Variants in SLC24A4 observed in about 807,000 individuals in gnomAD.
SLC24A4 encodes solute carrier family 24 member 4, also known as sodium/potassium/calcium exchanger 4.
In SLC24A4, 53 loss-of-function variants were observed where a neutral mutation model predicts 79.0. The ratio of observed to expected loss-of-function variants is 0.67; its 90% CI spans 0.54 to 0.84. The LOEUF (loss-of-function observed/expected upper bound fraction) is 0.84. Ranked by LOEUF, SLC24A4 falls within the 40% of genes least tolerant of loss-of-function variation. The pLI is 0.00. For synonymous variants in SLC24A4, 323 were observed against 323.8 expected (o/e 1.00, Z 0.03); for missense variants, 731 against 822.0 (o/e 0.89, Z 1.35).
rs148579792 is a variant in SLC24A4, at chr14:92,493,271, C to T, written c.1717-205C>T. On this transcript the variant is annotated intron_variant, in intron 16 of 16. Transcript: ENST00000532405. ...TATCCCTGAGTCAATGCGGCTAGGA[C>T]AGAGACTCGCCCTTTCATGGGGCAA... 1.2e-3 allele frequency among the ~76,000 whole-genome samples: 187 copies of T among 152,276 alleles called. 4 individuals carry two copies. The South Asian group carries it at 0.036, about 29-fold the overall frequency.
chr14:92,479,110 A>G (rs1015918758), intron 12 of SLC24A4, among the ~76,000 whole-genome samples: 3 of 152,204 alleles, frequency 2.0e-5, no homozygotes, highest in African/African-American at 4.8e-5. Flanking sequence ...AGAGTTTTCT[A>G]TATACAAGAT....
intron 2 of SLC24A4, among the ~76,000 whole-genome samples, chr14:92,331,233 T>C (rs1242867722): frequency 6.6e-6 from 1 of 152,212 alleles, no homozygotes; most frequent in African/African-American, 2.4e-5. Context: ...TCCCTGGCTG[T>C]CATGGCATCT....
chr14:92,452,531 G>T (rs926411643), intron 10 of SLC24A4: 1 of 152,118 alleles, frequency 6.6e-6, no homozygotes, highest in African/African-American at 2.4e-5. Context: ...ATAACCCCTG[G>T]CATCTTCGCC....
intron 2 of SLC24A4, among the ~76,000 whole-genome samples, chr14:92,343,653 T>TCTCTTTCC (rs1886336411): frequency 5.8e-5 from 2 of 34,214 alleles, no homozygotes; most frequent in African/African-American, 1.5e-4. Flanking sequence ...TCTTTCCTTC[T>TCTCTTTCC]TTCCTTCCTT....
At chr14:92,345,349 G>A (rs1886464707) in intron 2 of SLC24A4, among the ~76,000 whole-genome samples, 1 of 152,196 alleles carries the variant, frequency 6.6e-6, no homozygotes, top group Non-Finnish European at 1.5e-5. Flanking sequence ...ACTGTCTGTA[G>A]CATGGTGATG....
rs1217691041 is a variant in SLC24A4, at chr14:92,441,144, G to A, written c.394-945G>A. On this transcript the variant is annotated intron_variant, in intron 4 of 16. Coordinates refer to ENST00000532405, the MANE Select transcript of SLC24A4 (RefSeq NM_153646.4). This position sits in a 1 kb window ranked among gnomAD's most constrained non-coding sequence, Gnocchi z 4.6. ...GCTTAGCTGACCAGTGGGTTCCTTG[G>A]TGGCCCCAGAACCCAGGGCTGCTCA... 6.6e-6 allele frequency among the ~76,000 whole-genome samples: 1 copy of A among 152,180 alleles called. No individual in the cohort carries two copies. The highest frequency in any genetic ancestry group is 1.5e-5 in the Non-Finnish European group (1 of 68,022).
At chr14:92,424,125 A>G (rs188430026) in intron 2 of SLC24A4, among the ~76,000 whole-genome samples, 10 of 152,122 alleles carry the variant, frequency 6.6e-5, no homozygotes, top group East Asian at 5.8e-4. Context: ...AAGACCACCA[A>G]TCATTGGATT....
Position 92,499,012 on chromosome 14 carries a change from C to T in SLC24A4, c.*5384C>T, listed in dbSNP as rs1896039098. ...CTGCAACCAGGGTGGAGCTATCTTT[C>T]CAGGGAAGCCAGCTGAGAGGTTTTA... On this transcript the variant is annotated 3_prime_UTR_variant, in exon 17 of 17. Transcript: ENST00000532405. The T allele has an allele frequency of 6.6e-6, 1 of 152,204 alleles. No individual in the cohort carries two copies. Among genetic ancestry groups the T allele is most frequent in the African/African-American group, 2.4e-5 (1 of 41,462 alleles). The allele number at this position is 152,204 out of a possible 1,614,324, so 9.4% of individuals were successfully genotyped here.
chr14:92,476,312 G>T (rs1400880039), intron 12 of SLC24A4, among the ~76,000 whole-genome samples: 2 of 152,158 alleles, frequency 1.3e-5, no homozygotes, highest in Non-Finnish European at 2.9e-5. Context: ...AACCAATCAA[G>T]GCAGGAAAAC....
chr14:92,433,735 C>T (rs1203174387), intron 2 of SLC24A4, among the ~76,000 whole-genome samples, 177 bp from the exon 3 acceptor site: 10 of 152,190 alleles, frequency 6.6e-5, no homozygotes, highest in African/African-American at 1.7e-4. Context: ...CAGTATCCAG[C>T]AACTATTTCC....
At chr14:92,476,521 A>G (rs1894775758) in intron 12 of SLC24A4, among the ~76,000 whole-genome samples, 1 of 152,202 alleles carries the variant, frequency 6.6e-6, no homozygotes, top group African/African-American at 2.4e-5. Flanking sequence ...CAGAGCAAAC[A>G]CAGCTAGTGC....
chr14:92,363,933 C>T (rs1158763541), intron 2 of SLC24A4, among the ~76,000 whole-genome samples: 4 of 152,186 alleles, frequency 2.6e-5, no homozygotes, highest in South Asian at 2.1e-4. Flanking sequence ...TGCCCTCGGA[C>T]GTCCCGGCCA....
intron 2 of SLC24A4, among the ~76,000 whole-genome samples, chr14:92,388,764 C>T (rs1227217390): frequency 1.3e-5 from 2 of 152,148 alleles, no homozygotes; most frequent in Non-Finnish European, 2.9e-5. Flanking sequence ...CTTTATCAAC[C>T]CTGAGGGATG....
intron 2 of SLC24A4, among the ~76,000 whole-genome samples, chr14:92,406,098 C>T (rs995768362): frequency 6.6e-6 from 1 of 152,182 alleles, no homozygotes; most frequent in Non-Finnish European, 1.5e-5. Context: ...TTGGCCAAAA[C>T]AAAGGGGCTA....
intron 2 of SLC24A4, among the ~76,000 whole-genome samples, chr14:92,355,243 C>T (rs1398535983): frequency 2.6e-5 from 4 of 152,024 alleles, no homozygotes; most frequent in African/African-American, 9.7e-5. Context: ...AAGGAGGTGA[C>T]AAGGTGGGCC....
At chr14:92,468,912 GTGTGTGTGTGTGTGTGTGTGTGTC>G (rs911949656) in intron 12 of SLC24A4, among the ~76,000 whole-genome samples, 11 of 102,760 alleles carry the variant, frequency 1.1e-4, no homozygotes, top group Admixed American at 1.0e-3. Flanking sequence ...GTGTGTGTGT[GTGTGTGTGTGTGTGTGTGTGTGTC>G]ACTTAAAACT....
At chr14:92,396,530 G>C (rs1186608695) in intron 2 of SLC24A4, among the ~76,000 whole-genome samples, 1 of 152,180 alleles carries the variant, frequency 6.6e-6, no homozygotes, top group East Asian at 1.9e-4. Context: ...AAAGACCAGA[G>C]CGTGGGAATC....
In SLC24A4 at chr14:92,501,444, C is replaced by T. The variant is rs1240899929; in HGVS notation, c.*7816C>T. 6.6e-6 allele frequency: 1 copy of T among 152,166 alleles called. No homozygotes were observed. Among genetic ancestry groups the T allele is most frequent in the African/African-American group, 2.4e-5 (1 of 41,430 alleles). 9.4% of individuals were successfully genotyped at this position (152,166 alleles called of 1,614,324 possible). A position where few individuals can be genotyped will look rare whatever the true frequency, so the allele number is the denominator to read the frequency against. On this transcript the variant is annotated 3_prime_UTR_variant, in exon 17 of 17. Coordinates refer to ENST00000532405, the MANE Select transcript of SLC24A4 (RefSeq NM_153646.4). ...CAGTCAGTATTGTAATGCAATATAT[C>T]AAAATCTGTACACTGTCAATAAAAT...
chr14:92,456,590 TC>T lies in SLC24A4; in HGVS notation c.1242del (p.Phe415SerfsTer61). On this transcript the variant is annotated frameshift_variant, in exon 12 of 17. Coordinates refer to ENST00000532405, the MANE Select transcript of SLC24A4 (RefSeq NM_153646.4). LOFTEE classifies it high-confidence loss of function. ...EPEPVEADFLSPFSVPEARGD... is the reference protein window; with the variant it reads ...EPEPVEADFLXPFSVPEARGD... ...AGAGCCGGTGGAGGCTGACTTCCTG[TC>T]CCCCTTCTCCGTGCCGGGTGAGTTC... 1 of 1,613,406 alleles carries T rather than the reference TC, an allele frequency of 6.2e-7. No individual in the cohort carries two copies. Among genetic ancestry groups the T allele is most frequent in the Non-Finnish European group, 8.5e-7 (1 of 1,179,816 alleles).
Sources: gnomAD v4.1 joint callset for allele counts (sites outside exome capture counted in the v4.1 genomes callset) on GRCh38, gnomAD v4.1.1 for gene constraint, Gnocchi (gnomAD v3.1) non-coding constraint, MANE v1.5 for transcripts, NCBI Gene and HGNC (gene_info 2026-07-23, HGNC 2026-07-21) for gene names.